Variants in KHDRBS2 observed in about 807,000 individuals in gnomAD.
KHDRBS2 encodes the protein KH RNA binding domain containing, signal transduction associated 2.
In KHDRBS2, 26 loss-of-function variants were observed where a neutral mutation model predicts 44.3. That is an observed-to-expected ratio of 0.59 (90% CI 0.43 to 0.81). KHDRBS2 has a LOEUF of 0.81. Among genes scored for constraint, KHDRBS2 ranks in the 40% least tolerant of loss-of-function variants. The probability of loss-of-function intolerance (pLI) is 0.00; values close to 1 mark genes in which losing one functional copy is unlikely to be tolerated. For synonymous variants in KHDRBS2, 194 were observed against 151.1 expected (o/e 1.28, Z -2.08); for missense variants, 476 against 433.1 (o/e 1.10, Z -0.88).
chr6:62,275,213 G>A (rs756797997), intron 1 of KHDRBS2, among the ~76,000 whole-genome samples: 27 of 152,160 alleles, frequency 1.8e-4, no homozygotes, highest in South Asian at 6.2e-4. Context: ...AATTTCAGAA[G>A]ACTAGCTTAA....
chr6:62,124,206 C>T (rs1428834851), intron 2 of KHDRBS2, among the ~76,000 whole-genome samples: 2 of 152,152 alleles, frequency 1.3e-5, no homozygotes, highest in Non-Finnish European at 2.9e-5. Flanking sequence ...TCCTTGGCTT[C>T]AAGTGTCATA....
At chr6:61,570,919 C>T in the KHDRBS2 span, among the ~76,000 whole-genome samples, 497 of 152,130 alleles carry the variant, frequency 3.3e-3, 2 homozygotes, top group African/African-American at 0.011. Context: ...AACAGGAGTT[C>T]TATATCTTGA....
At chr6:62,151,190 T>C (rs779208477) in intron 2 of KHDRBS2, among the ~76,000 whole-genome samples, 1 of 152,152 alleles carries the variant, frequency 6.6e-6, no homozygotes, top group Non-Finnish European at 1.5e-5. Flanking sequence ...TTCCCTTAGC[T>C]TCAGTTTCCT....
chr6:61,983,963 T>G (rs1335521418), intron 3 of KHDRBS2, among the ~76,000 whole-genome samples: 4 of 152,196 alleles, frequency 2.6e-5, no homozygotes, highest in African/African-American at 4.8e-5. Flanking sequence ...ACAGTTCCAC[T>G]TTTTCTACCA....
intron 1 of KHDRBS2, among the ~76,000 whole-genome samples, chr6:62,222,405 A>T (rs1463536223): frequency 6.6e-6 from 1 of 152,138 alleles, no homozygotes; most frequent in Non-Finnish European, 1.5e-5. Context: ...GGTGAAAAGC[A>T]CTTCTTACAT....
At chr6:62,111,507 C>A (rs1472572619) in intron 2 of KHDRBS2, among the ~76,000 whole-genome samples, 1 of 152,026 alleles carries the variant, frequency 6.6e-6, no homozygotes, top group Admixed American at 6.6e-5. Context: ...TTAATCATGT[C>A]AAGTCTCATA....
intron 6 of KHDRBS2, among the ~76,000 whole-genome samples, chr6:61,744,695 TCAG>T (rs1202651595): frequency 1.3e-5 from 2 of 152,152 alleles, no homozygotes; most frequent in Non-Finnish European, 2.9e-5. Context: ...TTTTGTCTCT[TCAG>T]CTTTATCCTT....
At chr6:61,918,401 T>C (rs572958870) in intron 4 of KHDRBS2, among the ~76,000 whole-genome samples, 1 of 152,050 alleles carries the variant, frequency 6.6e-6, no homozygotes, top group African/African-American at 2.4e-5. Context: ...TGATATTATT[T>C]GGAGGTGGGG....
chr6:61,988,199 C>G (rs1248804091), intron 3 of KHDRBS2, among the ~76,000 whole-genome samples: 1 of 152,050 alleles, frequency 6.6e-6, no homozygotes, highest in Non-Finnish European at 1.5e-5. Flanking sequence ...AGGGTGTTGT[C>G]CAAACAGTGA....
chr6:61,689,594 G>A (rs1767175423), intron 8 of KHDRBS2, among the ~76,000 whole-genome samples: 1 of 152,004 alleles, frequency 6.6e-6, no homozygotes, highest in African/African-American at 2.4e-5. Context: ...ACCTATCTGT[G>A]CCAGAACTTC....
chr6:62,186,316 T>C (rs533315175), intron 1 of KHDRBS2, among the ~76,000 whole-genome samples: 38 of 152,156 alleles, frequency 2.5e-4, no homozygotes, highest in Non-Finnish European at 4.7e-4. Flanking sequence ...GTACGTAGAA[T>C]AGCATTTGGT....
intron 6 of KHDRBS2, among the ~76,000 whole-genome samples, chr6:61,752,671 CAAAAAAAA>C (rs56410130): frequency 2.7e-5 from 3 of 111,336 alleles, no homozygotes; most frequent in Non-Finnish European, 3.6e-5. Context: ...TTGTGGTATA[CAAAAAAAA>C]AAAAAAAAAA....
intron 2 of KHDRBS2, among the ~76,000 whole-genome samples, chr6:62,132,453 G>C (rs1469736077): frequency 6.6e-6 from 1 of 152,126 alleles, no homozygotes; most frequent in African/African-American, 2.4e-5. Context: ...AAATTCTAAG[G>C]ATGGAGACCA....
At chr6:62,039,284 A>AC in intron 3 of KHDRBS2, among the ~76,000 whole-genome samples, 12 of 150,814 alleles carry the variant, frequency 8.0e-5, no homozygotes, top group African/African-American at 2.7e-4. Flanking sequence ...ACACACACAC[A>AC]AACACACACA....
At chr6:61,570,578 C>A in the KHDRBS2 span, among the ~76,000 whole-genome samples, 18 of 152,104 alleles carry the variant, frequency 1.2e-4, no homozygotes, top group East Asian at 3.1e-3. Context: ...GAACACCTGG[C>A]AAATTCATCG....
At chr6:61,955,421 C>CATATGTGTAT (rs1243315710) in intron 4 of KHDRBS2, among the ~76,000 whole-genome samples, 1 of 141,342 alleles carries the variant, frequency 7.1e-6, no homozygotes, top group Non-Finnish European at 1.5e-5. Flanking sequence ...TGTATATATA[C>CATATGTGTAT]ACATACGTAT....
the KHDRBS2 span, among the ~76,000 whole-genome samples, chr6:61,605,585 C>T: frequency 1.3e-5 from 2 of 152,146 alleles, no homozygotes; most frequent in East Asian, 1.9e-4. Context: ...AGGCCATCAC[C>T]AATAATTCTA....
chr6:62,245,369 C>CA (rs562586294), intron 1 of KHDRBS2, among the ~76,000 whole-genome samples: 3 of 151,678 alleles, frequency 2.0e-5, no homozygotes, highest in Admixed American at 6.6e-5. Context: ...CTTCACTACT[C>CA]AAAAAAAACC....
chr6:61,653,356 C>A, the KHDRBS2 span, among the ~76,000 whole-genome samples: 50 of 152,094 alleles, frequency 3.3e-4, no homozygotes, highest in African/African-American at 1.1e-3. Context: ...TCTGAAATAA[C>A]AAGTCTGTTA....
Sources: gnomAD v4.1 joint callset for allele counts (sites outside exome capture counted in the v4.1 genomes callset) on GRCh38, gnomAD v4.1.1 for gene constraint, MANE v1.5 for transcripts, NCBI Gene and HGNC (gene_info 2026-07-23, HGNC 2026-07-21) for gene names.